The following CADPS variants were observed in gnomAD, a reference collection of about 807,000 sequenced individuals.
CADPS encodes the protein calcium-dependent secretion activator 1.
Under a neutral mutation model 167.3 loss-of-function variants are expected in CADPS, and 57 were observed. The ratio of observed to expected loss-of-function variants is 0.34; its 90% confidence interval spans 0.28 to 0.42. The LOEUF (loss-of-function observed/expected upper bound fraction) is 0.42, where lower values mean the gene tolerates loss of function less well. Ranked by LOEUF, CADPS falls within the 20% of genes least tolerant of loss-of-function variation. The pLI, the probability that CADPS is intolerant of heterozygous loss-of-function variation, is 1.00. For synonymous variants in CADPS, 676 were observed against 635.3 expected, an observed-to-expected ratio of 1.06 and a Z score of -0.96; for missense variants, 1,414 against 1,738.1, an observed-to-expected ratio of 0.81 and a Z score of 3.32.
chr3:62,431,930 G>T (rs1179234240), intron 28 of CADPS, among the ~76,000 whole-genome samples: 1 of 151,388 alleles, frequency 6.6e-6, no homozygotes, highest in Non-Finnish European at 1.5e-5. Context: ...TGGGTGCTGG[G>T]AACACAACAT....
At chr3:62,543,437 T>C (rs1219205148) in intron 11 of CADPS, among the ~76,000 whole-genome samples, 3 of 152,118 alleles carry the variant, frequency 2.0e-5, no homozygotes, top group Non-Finnish European at 4.4e-5. Flanking sequence ...TATTCATCCA[T>C]CCTTTCTTTC....
chr3:62,864,499 GA>G (rs775511525), intron 1 of CADPS, among the ~76,000 whole-genome samples: 6 of 152,134 alleles, frequency 3.9e-5, no homozygotes, highest in African/African-American at 7.2e-5. Context: ...TGAGGCGTAA[GA>G]ATCTGTTCCA....
rs1209155748 is a variant in CADPS, at chr3:62,651,012, A to T, written c.1038T>A (p.Ser346=). 1 of 1,614,174 alleles carries T rather than the reference A, an allele frequency of 6.2e-7. No individual in the cohort carries two copies. ...CCAAGTTGGCCATGAGCAGGTTGAC[A>T]GATGACTTCAGCTCCTCAATGTACA... is the stretch of plus-strand genomic sequence containing the variant. ...ENMYIEELKS[S]VNLLMANLES... The change falls in exon 5 of 30, where the codon TCT becomes TCA. Residue 346 remains serine (S), a synonymous_variant. Coordinates refer to ENST00000383710, the MANE Select transcript of CADPS (RefSeq NM_003716.4).
At chr3:62,828,584 T>C (rs1326667369) in intron 1 of CADPS, among the ~76,000 whole-genome samples, 1 of 152,158 alleles carries the variant, frequency 6.6e-6, no homozygotes. Flanking sequence ...TAGGTTTATC[T>C]TGCACATCAG....
intron 28 of CADPS, among the ~76,000 whole-genome samples, chr3:62,416,999 C>T (rs2050191956): frequency 6.6e-6 from 1 of 151,956 alleles, no homozygotes; most frequent in Non-Finnish European, 1.5e-5. Context: ...GATCCTCCCA[C>T]CTCAGCCTCC....
chr3:62,672,676 T>C (rs1414668715), intron 3 of CADPS, among the ~76,000 whole-genome samples: 1 of 152,214 alleles, frequency 6.6e-6, no homozygotes, highest in African/African-American at 2.4e-5. Flanking sequence ...TAGGCTGGAA[T>C]GCAATGTTGA....
chr3:62,462,529 C>T (rs1177046500), intron 26 of CADPS, among the ~76,000 whole-genome samples: 4 of 152,210 alleles, frequency 2.6e-5, no homozygotes, highest in South Asian at 4.1e-4. Context: ...TGTCGATACT[C>T]GTCAGCTTTC....
chr3:62,872,098 A>G (rs548379120), intron 1 of CADPS, among the ~76,000 whole-genome samples: 2 of 146,170 alleles, frequency 1.4e-5, no homozygotes, highest in African/African-American at 2.6e-5. Flanking sequence ...CCTCCATATC[A>G]TCCTATCCCT....
At chr3:62,782,374 C>G (rs1383374317) in intron 1 of CADPS, among the ~76,000 whole-genome samples, 1 of 152,178 alleles carries the variant, frequency 6.6e-6, no homozygotes, top group East Asian at 1.9e-4. Context: ...GTGCCAAGCA[C>G]TGTTCTAGGC....
intron 10 of CADPS, chr3:62,550,712 C>G (rs1055387985): frequency 1.4e-5 from 6 of 437,490 alleles, no homozygotes; most frequent in Non-Finnish European, 2.3e-5. Flanking sequence ...TGCCTTACAA[C>G]CCCTCCAATC....
intron 3 of CADPS, among the ~76,000 whole-genome samples, chr3:62,728,945 A>AAAAG (rs2077243653): frequency 6.6e-6 from 1 of 151,550 alleles, no homozygotes; most frequent in South Asian, 2.1e-4. Context: ...GGTGACCTTC[A>AAAAG]TTAGTTCACT....
chr3:62,610,262 T>C (rs1390155453), intron 6 of CADPS, among the ~76,000 whole-genome samples: 8 of 151,896 alleles, frequency 5.3e-5, no homozygotes, highest in African/African-American at 9.7e-5. Flanking sequence ...TTTTCTTTCT[T>C]TCTTCCTTTT....
intron 1 of CADPS, among the ~76,000 whole-genome samples, chr3:62,790,254 G>T (rs2092817467): frequency 6.6e-6 from 1 of 152,090 alleles, no homozygotes; most frequent in Admixed American, 6.6e-5. Flanking sequence ...CAACTTTATA[G>T]TAGTATCTCT....
chr3:62,827,199 C>T (rs1002888721), intron 1 of CADPS, among the ~76,000 whole-genome samples: 4 of 152,134 alleles, frequency 2.6e-5, no homozygotes, highest in African/African-American at 4.8e-5. Flanking sequence ...ACAATATAAT[C>T]CCTAACTAGA....
At chr3:62,689,564 T>G (rs1337028339) in intron 3 of CADPS, among the ~76,000 whole-genome samples, 1 of 152,068 alleles carries the variant, frequency 6.6e-6, no homozygotes, top group Non-Finnish European at 1.5e-5. Flanking sequence ...TGTAGTCTTT[T>G]TTTATACCAT....
chr3:62,622,262 T>C (rs1330398633), intron 6 of CADPS, among the ~76,000 whole-genome samples: 4 of 152,162 alleles, frequency 2.6e-5, no homozygotes, highest in South Asian at 2.1e-4. Flanking sequence ...CTCTGACTTT[T>C]GGATACTTCT....
chr3:62,590,346 T>C (rs906830387), intron 7 of CADPS, among the ~76,000 whole-genome samples: 29 of 152,140 alleles, frequency 1.9e-4, no homozygotes, highest in African/African-American at 6.5e-4. Flanking sequence ...ACATCTGCCT[T>C]ACTGGAAAAG....
intron 6 of CADPS, among the ~76,000 whole-genome samples, chr3:62,597,240 G>A (rs2148931328): frequency 6.6e-6 from 1 of 152,238 alleles, no homozygotes; most frequent in East Asian, 1.9e-4. Flanking sequence ...TAGCTACTTG[G>A]GAGGCCAAGG....
intron 3 of CADPS, among the ~76,000 whole-genome samples, chr3:62,743,329 C>G (rs1263483015): frequency 6.6e-6 from 1 of 152,164 alleles, no homozygotes; most frequent in African/African-American, 2.4e-5. Context: ...AAGAACACAG[C>G]CATGCCCATA....
Sources: gnomAD v4.1 joint callset for allele counts (sites outside exome capture counted in the v4.1 genomes callset) on GRCh38, gnomAD v4.1.1 for gene constraint, MANE v1.5 for transcripts, NCBI Gene and HGNC (gene_info 2026-07-23, HGNC 2026-07-21) for gene names.